SHANK2: variants seen among roughly 807,000 people sequenced by gnomAD.
SHANK2 encodes the protein SH3 and multiple ankyrin repeat domains protein 2.
In SHANK2, 43 loss-of-function variants were observed where a neutral mutation model predicts 133.7. That is an observed-to-expected ratio of 0.32 (90% CI 0.25 to 0.41). The LOEUF is 0.41. Among genes scored for constraint, SHANK2 ranks in the 10% least tolerant of loss-of-function variants. SHANK2 has a pLI of 1.00. For synonymous variants in SHANK2, 1,017 were observed against 952.8 expected (o/e 1.07, Z -1.24); for missense variants, 1,994 against 2,235.8 (o/e 0.89, Z 2.18).
At chr11:70,777,368 CACCCATCCACCCACCCATGTATTCATCT>C in intron 14 of SHANK2, among the ~76,000 whole-genome samples, 1 of 151,940 alleles carries the variant, frequency 6.6e-6, no homozygotes, top group East Asian at 1.9e-4. Context: ...TCCATCCATA[CACCCATCCACCCACCCATGTATTCATCT>C]ACCCATCCAC....
intron 24 of SHANK2, among the ~76,000 whole-genome samples, chr11:70,488,674 G>A (rs1187670371): frequency 2.0e-5 from 3 of 152,228 alleles, no homozygotes; most frequent in South Asian, 2.1e-4. Context: ...GGGTCCCAGC[G>A]GCAGCCCTGA....
intron 14 of SHANK2, among the ~76,000 whole-genome samples, chr11:70,704,520 A>G (rs1176714091): frequency 6.6e-6 from 1 of 152,214 alleles, no homozygotes; most frequent in Non-Finnish European, 1.5e-5. Context: ...GGGCCCTGTC[A>G]TTAGCAGTAA....
chr11:71,087,471 T>C (rs1416376823), intron 8 of SHANK2, among the ~76,000 whole-genome samples: 1 of 152,216 alleles, frequency 6.6e-6, no homozygotes, highest in Non-Finnish European at 1.5e-5. Context: ...AAGGAGGTTT[T>C]AGCCTGCATC....
chr11:70,489,911 C>T, intron 23 of SHANK2: 2 of 324,872 alleles, frequency 6.2e-6, no homozygotes, highest in South Asian at 6.4e-5. Context: ...ATGCAGGGAA[C>T]CCACTTACCC....
At chr11:71,167,531 C>T (rs1487761065) in intron 2 of SHANK2, among the ~76,000 whole-genome samples, 2 of 123,836 alleles carry the variant, frequency 1.6e-5, no homozygotes, top group Admixed American at 7.6e-5. Flanking sequence ...GGCGGCTGGC[C>T]GGGCGGGGGG....
intron 8 of SHANK2, among the ~76,000 whole-genome samples, chr11:71,086,230 A>C: frequency 6.3e-5 from 3 of 47,420 alleles, no homozygotes; most frequent in African/African-American, 2.3e-4. Context: ...TAATATATTA[A>C]ATTATATAAT....
At chr11:71,204,288 G>A (rs1954083310) in intron 2 of SHANK2, among the ~76,000 whole-genome samples, 1 of 152,232 alleles carries the variant, frequency 6.6e-6, no homozygotes, top group Non-Finnish European at 1.5e-5. Flanking sequence ...TGCTCACATG[G>A]TAACTGCGGC....
At chr11:70,679,019 C>T (rs1944968191) in intron 15 of SHANK2, among the ~76,000 whole-genome samples, 1 of 152,192 alleles carries the variant, frequency 6.6e-6, no homozygotes, top group Non-Finnish European at 1.5e-5. Context: ...CTAGGACAAC[C>T]TTCCTCCCCC....
intron 8 of SHANK2, among the ~76,000 whole-genome samples, chr11:71,077,578 CCA>C (rs1311315263): frequency 2.6e-5 from 4 of 152,144 alleles, no homozygotes; most frequent in Non-Finnish European, 5.9e-5. Flanking sequence ...ACCCAGAATC[CCA>C]CAGTCTTAGC....
chr11:71,113,436 C>A lies in SHANK2; in HGVS notation c.412-72G>T, dbSNP rs143304983. ...CAGAGTTGTTCAGAGGGAAAACGGGCCTTTTCCTTGGCTATGTCACAGAAG... is the reference window on the plus strand; with the variant it reads ...CAGAGTTGTTCAGAGGGAAAACGGGACTTTTCCTTGGCTATGTCACAGAAG... On this transcript the variant is annotated intron_variant, in intron 4 of 25. Coordinates refer to ENST00000601538, the MANE Select transcript of SHANK2 (RefSeq NM_012309.5). The A allele has an allele frequency of 1.0e-3, 1,420 of 1,394,280 alleles. 11 individuals are homozygous for A. In the African/African-American group the frequency reaches 0.017, roughly 16 times the overall value. The allele number at this position is 1,394,280 out of a possible 1,614,324, so 86.4% of individuals were successfully genotyped here.
intron 17 of SHANK2, 35 bp from the exon 18 acceptor site, chr11:70,502,966 G>A (rs1555159219): frequency 2.5e-6 from 4 of 1,613,272 alleles, no homozygotes; most frequent in African/African-American, 1.3e-5. Flanking sequence ...ATCAGTGAGA[G>A]CCAGCGGAGA....
intron 15 of SHANK2, among the ~76,000 whole-genome samples, chr11:70,677,888 T>C (rs12365651): frequency 0.58 from 88,580 of 152,090 alleles, 26,157 homozygotes; most frequent in Non-Finnish European, 0.63. Flanking sequence ...TTGTCCCAGT[T>C]GTAGGCTCGC....
At chr11:71,099,046 C>T (rs1372873076) in intron 6 of SHANK2, among the ~76,000 whole-genome samples, 1 of 152,144 alleles carries the variant, frequency 6.6e-6, no homozygotes, top group Admixed American at 6.6e-5. Flanking sequence ...TGCTCTTCCT[C>T]CTCACACCCA....
chr11:70,749,052 G>C (rs1946703665), intron 14 of SHANK2, among the ~76,000 whole-genome samples: 1 of 152,182 alleles, frequency 6.6e-6, no homozygotes, highest in Admixed American at 6.5e-5. Flanking sequence ...CAGTCAGATG[G>C]GCTCAGGTGT....
chr11:71,080,318 C>T (rs1283965155), intron 8 of SHANK2, among the ~76,000 whole-genome samples: 5 of 152,142 alleles, frequency 3.3e-5, no homozygotes, highest in African/African-American at 1.2e-4. Flanking sequence ...TTTGCCCCAG[C>T]GATGCCTAGC....
At chr11:71,166,175 T>C (rs2135484142) in intron 2 of SHANK2, among the ~76,000 whole-genome samples, 1 of 152,236 alleles carries the variant, frequency 6.6e-6, no homozygotes, top group East Asian at 1.9e-4. Flanking sequence ...CCAAAGCAGG[T>C]GCCGTCCAGG....
chr11:71,130,032 G>A (rs559632029), intron 3 of SHANK2, among the ~76,000 whole-genome samples: 4 of 152,130 alleles, frequency 2.6e-5, no homozygotes, highest in African/African-American at 4.8e-5. Flanking sequence ...GTGTGTCTGC[G>A]TCCTCACCTC....
chr11:70,751,455 T>G (rs1191057512), intron 14 of SHANK2, among the ~76,000 whole-genome samples: 1 of 152,170 alleles, frequency 6.6e-6, no homozygotes, highest in Admixed American at 6.5e-5. Context: ...TCAAGACATT[T>G]TTAGATGAAG....
Position 70,487,388 on chromosome 11 carries a change from G to T in SHANK2, c.2905C>A (p.Arg969=), listed in dbSNP as rs149632956. The change falls in exon 25 of 26, where the codon CGG becomes AGG. Residue 969 remains arginine (R), a synonymous_variant. Transcript: ENST00000601538. This position sits in a 1 kb window ranked among gnomAD's most constrained non-coding sequence, Gnocchi z 5.8. ...AAGTTGGCTTGCGGGCCGGCATTCC[G>T]ACTGTAGAGGTCTTCAGAGTCCAAG... ...YSLDSEDLYS[R]NAGPQANFRN... The T allele has an allele frequency of 8.0e-5, 129 of 1,614,010 alleles. No individual in the cohort carries two copies. The highest frequency in any genetic ancestry group is 1.0e-4 in the Non-Finnish European group (122 of 1,180,036).
Sources: gnomAD v4.1 joint callset for allele counts (sites outside exome capture counted in the v4.1 genomes callset) on GRCh38, gnomAD v4.1.1 for gene constraint, Gnocchi (gnomAD v3.1) non-coding constraint, MANE v1.5 for transcripts, NCBI Gene and HGNC (gene_info 2026-07-23, HGNC 2026-07-21) for gene names.